Variants in NEK9 observed in about 807,000 individuals in gnomAD.
NEK9 encodes NIMA related kinase 9, also known as serine/threonine-protein kinase Nek9.
In NEK9, 75 loss-of-function variants were observed where a neutral mutation model predicts 123.4. The observed-to-expected ratio is 0.61, with a 90% CI of 0.50 to 0.74. The LOEUF (loss-of-function observed/expected upper bound fraction) is 0.74, where lower values mean the gene tolerates loss of function less well. NEK9 is among the 30% of genes least tolerant of loss of function. The pLI, the probability that NEK9 is intolerant of heterozygous loss-of-function variation, is 0.00. For missense variants in NEK9, 952 were observed against 1,214.4 expected, an observed-to-expected ratio of 0.78 and a Z score of 3.21; for synonymous variants, 438 against 458.7, an observed-to-expected ratio of 0.95 and a Z score of 0.58.
intron 21 of NEK9, among the ~76,000 whole-genome samples, chr14:75,085,252 A>G (rs975898866): frequency 6.6e-6 from 1 of 152,144 alleles, no homozygotes; most frequent in African/African-American, 2.4e-5. Context: ...CAATCTCCCA[A>G]AGTGCTGGGA....
At chr14:75,087,389 A>G (rs1033435646) in intron 20 of NEK9, among the ~76,000 whole-genome samples, 159 bp from the exon 21 acceptor site, 2 of 152,268 alleles carry the variant, frequency 1.3e-5, no homozygotes, top group Non-Finnish European at 2.9e-5. Flanking sequence ...TGCTAGGATT[A>G]TAACAGCGAT....
Position 75,081,144 on chromosome 14 carries a change from CTG to C in NEK9, c.*3418_*3419del. 1.3e-5 allele frequency: 2 copies of C among 151,772 alleles called. No individual in the cohort carries two copies. Among genetic ancestry groups the C allele is most frequent in the South Asian group, 4.2e-4 (2 of 4,800 alleles). The allele number at this position is 151,772 out of a possible 1,614,324, so 9.4% of individuals were successfully genotyped here. A position where few individuals can be genotyped will look rare whatever the true frequency, so the allele number is the denominator to read the frequency against. ...TATTTTTAGTAGAGACGGGATTTCA[CTG>C]TGTTAGCCAGGATGGTCTCGATCTC... On this transcript the variant is annotated 3_prime_UTR_variant, in exon 22 of 22. Coordinates refer to ENST00000238616, the MANE Select transcript of NEK9 (RefSeq NM_033116.6). This position sits in a 1 kb window ranked among gnomAD's most constrained non-coding sequence, Gnocchi z 4.2.
chr14:75,104,309 G>C (rs1405440066), intron 13 of NEK9, among the ~76,000 whole-genome samples: 2 of 151,674 alleles, frequency 1.3e-5, no homozygotes. Context: ...GGGATGACAG[G>C]TGCATGCCAC....
In NEK9 at chr14:75,101,165, G is replaced by A. The variant is rs751675565; in HGVS notation, c.1841-12C>T. On this transcript the variant is annotated splice_polypyrimidine_tract_variant and intron_variant, in intron 15 of 21. Transcript: ENST00000238616. Reference sequence around the variant, plus strand: ...CAGCCGGCCTCGCTCTGAGAGAGAAGCAAAAAGAAATAACAAGGCACAAAT... The same window carrying A: ...CAGCCGGCCTCGCTCTGAGAGAGAAACAAAAAGAAATAACAAGGCACAAAT... The A allele has an allele frequency of 2.5e-6, 4 of 1,609,936 alleles. No individual in the cohort carries two copies. The highest frequency in any genetic ancestry group is 3.4e-5 in the Admixed American group (2 of 59,026).
At position 75,105,245 on chromosome 14, in the gene NEK9, T is replaced by C. The variant is rs578032821; in HGVS notation, c.1575+705A>G. On this transcript the variant is annotated intron_variant, in intron 13 of 21. Transcript: ENST00000238616. ...TCCCATTGAGGATGGTCCCTAGAAA[T>C]GCATAATAATTTAATTTTTAAAATA... 5.3e-5 allele frequency among the ~76,000 whole-genome samples: 8 copies of C among 151,396 alleles called. No homozygotes were observed. The South Asian group carries it at 1.7e-3, about 32-fold the overall frequency.
chr14:75,108,174 G>A (rs1205954691), intron 10 of NEK9, among the ~76,000 whole-genome samples: 2 of 151,488 alleles, frequency 1.3e-5, no homozygotes, highest in Non-Finnish European at 1.5e-5. Flanking sequence ...ACCCAGGCTG[G>A]AGCGCAGTGG....
intron 7 of NEK9, 50 bp downstream of exon 7, chr14:75,114,153 G>C (rs780315798): frequency 7.6e-7 from 1 of 1,311,808 alleles, no homozygotes; most frequent in Non-Finnish European, 1.1e-6. Context: ...CAAACACTGA[G>C]GCTGGAAGGG....
At chr14:75,101,458 TG>T (rs1391993168) in intron 15 of NEK9, among the ~76,000 whole-genome samples, 198 bp downstream of exon 15, 1 of 152,230 alleles carries the variant, frequency 6.6e-6, no homozygotes, top group Non-Finnish European at 1.5e-5. Flanking sequence ...ATCATAGGTG[TG>T]GTGTTCTCAT....
chr14:75,086,955 GT>G, intron 21 of NEK9, 62 bp downstream of exon 21: 2 of 1,504,334 alleles, frequency 1.3e-6, no homozygotes, highest in Non-Finnish European at 9.2e-7. Context: ...AGTACTTTGT[GT>G]TTTGTTTCTG....
chr14:75,115,884 A>G (rs1490305136), intron 6 of NEK9, among the ~76,000 whole-genome samples: 1 of 152,224 alleles, frequency 6.6e-6, no homozygotes, highest in Non-Finnish European at 1.5e-5. Flanking sequence ...TAAAAAAAGA[A>G]AAAAAGACTT....
At chr14:75,116,097 G>A (rs1375932260) in intron 6 of NEK9, among the ~76,000 whole-genome samples, 2 of 152,164 alleles carry the variant, frequency 1.3e-5, no homozygotes, top group East Asian at 3.8e-4. Flanking sequence ...AGTGATACTG[G>A]TGCTATGTCA....
At position 75,126,900 on chromosome 14, in the gene NEK9, C is replaced by A. The variant is rs1475204766; in HGVS notation, c.22G>T (p.Glu8Ter). 2 of 1,513,980 alleles carry A rather than the reference C, an allele frequency of 1.3e-6. No individual in the cohort carries two copies. The highest frequency in any genetic ancestry group is 5.5e-5 in the East Asian group (2 of 36,652). 93.8% of individuals were successfully genotyped at this position (1,513,980 alleles called of 1,614,324 possible). The change falls in exon 1 of 22, where the codon GAG becomes TAG. Residue 8 changes from glutamate to a stop codon, truncating the protein, a stop_gained. Transcript: ENST00000238616. LOFTEE classifies it high-confidence loss of function. Reference protein sequence around the residue: MSVLGEYERHCDSINSDF... With the variant: MSVLGEY Reference sequence around the variant, plus strand: ...GAGTTGATGGAATCGCAGTGTCGCTCGTACTCGCCCAGCACCGACATGGCG... The same window carrying A: ...GAGTTGATGGAATCGCAGTGTCGCTAGTACTCGCCCAGCACCGACATGGCG...
At chr14:75,120,694 C>T in intron 3 of NEK9, 114 bp from the exon 4 acceptor site, 1 of 771,936 alleles carries the variant, frequency 1.3e-6, no homozygotes. Flanking sequence ...TATGATTCAA[C>T]ATGACTTGAC....
chr14:75,126,916 C>T lies in NEK9; in HGVS notation c.6G>A (p.Ser2=). 2 of 1,474,292 alleles carry T rather than the reference C, an allele frequency of 1.4e-6. No individual in the cohort carries two copies. Among genetic ancestry groups the T allele is most frequent in the Non-Finnish European group, 1.8e-6 (2 of 1,107,266 alleles). The allele number at this position is 1,474,292 out of a possible 1,614,324, so 91.3% of individuals were successfully genotyped here. ...AGTGTCGCTCGTACTCGCCCAGCAC[C>T]GACATGGCGGCGGCCGCGGGCCTTG... M[S]VLGEYERHCD... The change falls in exon 1 of 22, where the codon TCG becomes TCA. Residue 2 remains serine (S), a synonymous_variant. Transcript: ENST00000238616.
Position 75,117,238 on chromosome 14 carries a change from A to T in NEK9, c.719T>A (p.Val240Asp). ...FKSDIWAVGC[V>D]IFELLTLKRT... is the part of the protein sequence containing the mutation. ...CTTTAAGGTAAGCAGTTCAAAAATG[A>T]CGCAGCCAACTGCCCAGATATCAGA... The change falls in exon 6 of 22, where the codon GTC (valine) becomes GAC (aspartate). Residue 240 changes from valine to aspartate, a missense_variant. This residue lies in a region of NEK9 where 28 missense variants were observed against 88.3 expected (regional missense o/e 0.32). Coordinates refer to ENST00000238616, the MANE Select transcript of NEK9 (RefSeq NM_033116.6). 2 of 1,614,070 alleles carry T rather than the reference A, an allele frequency of 1.2e-6. No homozygotes were observed. The highest frequency in any genetic ancestry group is 1.7e-6 in the Non-Finnish European group (2 of 1,180,000).
At chr14:75,115,061 A>G (rs998908118) in intron 6 of NEK9, among the ~76,000 whole-genome samples, 9 of 107,618 alleles carry the variant, frequency 8.4e-5, no homozygotes, top group African/African-American at 2.6e-4. Context: ...ATGTACACAC[A>G]CGTGTGTGCA....
chr14:75,118,699 T>A, intron 5 of NEK9, 131 bp downstream of exon 5: 1 of 628,736 alleles, frequency 1.6e-6, no homozygotes, highest in Non-Finnish European at 2.8e-6. Context: ...GAAAAAGACT[T>A]CTGAAGACAT....
In NEK9 at chr14:75,084,377, C is replaced by A; in HGVS notation, c.*187G>T. 1.5e-6 allele frequency: 1 copy of A among 669,592 alleles called. No homozygotes were observed. The highest frequency in any genetic ancestry group is 2.5e-6 in the Non-Finnish European group (1 of 392,692). 41.5% of individuals were successfully genotyped at this position (669,592 alleles called of 1,614,324 possible). ...CTTCCATTCTCCAAAACAATAAAATCACTCCTAGATCCTATCTAAAAGGCA... is the reference window on the plus strand; with the variant it reads ...CTTCCATTCTCCAAAACAATAAAATAACTCCTAGATCCTATCTAAAAGGCA... On this transcript the variant is annotated 3_prime_UTR_variant, in exon 22 of 22. Coordinates refer to ENST00000238616, the MANE Select transcript of NEK9 (RefSeq NM_033116.6).
intron 16 of NEK9, among the ~76,000 whole-genome samples, chr14:75,100,423 G>C (rs993681065): frequency 1.3e-5 from 2 of 152,124 alleles, no homozygotes; most frequent in Non-Finnish European, 2.9e-5. Flanking sequence ...TCCAGCCTGG[G>C]CAACAAGAGC....
Sources: gnomAD v4.1 joint callset for allele counts (sites outside exome capture counted in the v4.1 genomes callset) on GRCh38, gnomAD v4.1.1 for gene constraint, gnomAD v4.1.1 regional missense constraint, Gnocchi (gnomAD v3.1) non-coding constraint, MANE v1.5 for transcripts, NCBI Gene and HGNC (gene_info 2026-07-23, HGNC 2026-07-21) for gene names.